C2CD3: variants seen among roughly 807,000 people sequenced by gnomAD.
C2CD3 encodes C2 domain-containing protein 3.
C2CD3 carries 148 observed loss-of-function variants against 234.0 expected under a neutral mutation model. That is an observed-to-expected ratio of 0.63 (90% CI 0.55 to 0.72). The LOEUF is 0.72. Among genes scored for constraint, C2CD3 ranks in the 30% least tolerant of loss-of-function variants. The probability of loss-of-function intolerance (pLI) is 0.00; values close to 1 mark genes in which losing one functional copy is unlikely to be tolerated. For missense variants in C2CD3, 2,577 were observed against 2,811.5 expected (o/e 0.92, Z 1.89); for synonymous variants, 1,000 against 1,035.4 (o/e 0.97, Z 0.66).
intron 29 of C2CD3, among the ~76,000 whole-genome samples, 180 bp downstream of exon 29, chr11:74,041,874 C>T (rs1158167364): frequency 6.6e-6 from 1 of 152,200 alleles, no homozygotes; most frequent in Non-Finnish European, 1.5e-5. Flanking sequence ...GATACAGATT[C>T]ATCTATGAGG....
Position 74,095,749 on chromosome 11 carries a change from G to T in C2CD3, c.2980-341C>A, listed in dbSNP as rs118130051. ...AGCTCTTAATATACTAAGAATAGAAGGCTGTTCCCTTCATAGGAAAAATAA... is the reference window on the plus strand; with the variant it reads ...AGCTCTTAATATACTAAGAATAGAATGCTGTTCCCTTCATAGGAAAAATAA... On this transcript the variant is annotated intron_variant, in intron 16 of 32. Coordinates refer to ENST00000334126, the MANE Select transcript of C2CD3 (RefSeq NM_001286577.2). 3.5e-3 allele frequency among the ~76,000 whole-genome samples: 527 copies of T among 152,150 alleles called. 1 individual carries two copies. The highest frequency in any genetic ancestry group is 5.6e-3 in the Admixed American group (85 of 15,288).
intron 20 of C2CD3, among the ~76,000 whole-genome samples, chr11:74,089,316 A>C (rs1220036438): frequency 6.6e-6 from 1 of 152,202 alleles, no homozygotes; most frequent in African/African-American, 2.4e-5. Context: ...AGTTGAAATT[A>C]AACAAACAAA....
intron 12 of C2CD3, among the ~76,000 whole-genome samples, chr11:74,106,836 G>C (rs1420239161): frequency 2.6e-5 from 4 of 152,096 alleles, no homozygotes; most frequent in African/African-American, 9.7e-5. Context: ...ATTAAAACTA[G>C]GGAAATTGTA....
chr11:74,040,908 GCACACA>G (rs148961390), intron 29 of C2CD3, among the ~76,000 whole-genome samples: 1 of 144,692 alleles, frequency 6.9e-6, no homozygotes, highest in South Asian at 2.2e-4. Context: ...ACACACACAC[GCACACA>G]CACACACACA....
intron 11 of C2CD3, 194 bp from the exon 12 acceptor site, chr11:74,109,346 T>G (rs755185158): frequency 3.9e-6 from 2 of 507,392 alleles, no homozygotes; most frequent in African/African-American, 4.0e-5. Context: ...ACTCTGGAGA[T>G]AGTACACAGA....
chr11:74,151,822 C>T (rs895937163), intron 3 of C2CD3, among the ~76,000 whole-genome samples: 2 of 151,488 alleles, frequency 1.3e-5, no homozygotes, highest in African/African-American at 2.4e-5. Context: ...TATAGATGCT[C>T]CTAATGCTTA....
rs373500505 is a variant in C2CD3 at position 74,092,500 on chromosome 11, G to A, written c.3433C>T (p.Arg1145Cys). The A allele has an allele frequency of 4.3e-6, 7 of 1,613,614 alleles. No individual in the cohort carries two copies. Among genetic ancestry groups the A allele is most frequent in the African/African-American group, 1.3e-5 (1 of 74,996 alleles). The part of the protein sequence containing the change: ...RICAMVTTQH[R>C]EDVGIQTFNL... ...AAGGTCTGTATTCCCACATCCTCAC[G>A]ATGCTGGGTGGTTACCATAGCACAG... The change falls in exon 19 of 33, where the codon CGT (arginine) becomes TGT (cysteine). Residue 1145 changes from arginine to cysteine, a missense_variant. Coordinates refer to ENST00000334126, the MANE Select transcript of C2CD3 (RefSeq NM_001286577.2).
At chr11:74,131,928 A>G (rs1278943396) in intron 7 of C2CD3, among the ~76,000 whole-genome samples, 1 of 152,202 alleles carries the variant, frequency 6.6e-6, no homozygotes, top group African/African-American at 2.4e-5. Context: ...TTTAACCACT[A>G]TGCCCTATTA....
At chr11:74,101,966 A>C (rs1434438735) in intron 14 of C2CD3, among the ~76,000 whole-genome samples, 1 of 152,164 alleles carries the variant, frequency 6.6e-6, no homozygotes, top group Admixed American at 6.6e-5. Context: ...TAGAAAGGTC[A>C]TTCTCATTGG....
intron 32 of C2CD3, among the ~76,000 whole-genome samples, chr11:74,024,693 A>G (rs1276884606): frequency 6.6e-6 from 1 of 152,164 alleles, no homozygotes. Flanking sequence ...TTTCCTCTTA[A>G]ATTTTGGTAT....
At chr11:74,164,549 A>G (rs1046336972) in intron 2 of C2CD3, among the ~76,000 whole-genome samples, 3 of 152,160 alleles carry the variant, frequency 2.0e-5, no homozygotes, top group Non-Finnish European at 4.4e-5. Flanking sequence ...CAAATTCGTC[A>G]CTCAGAAAAT....
At chr11:74,137,050 T>C (rs1957888114) in intron 5 of C2CD3, among the ~76,000 whole-genome samples, 1 of 150,534 alleles carries the variant, frequency 6.6e-6, no homozygotes, top group Admixed American at 6.6e-5. Flanking sequence ...TTTTTAGAGA[T>C]GAGATCTTGC....
intron 16 of C2CD3, among the ~76,000 whole-genome samples, chr11:74,096,748 G>A (rs1235598542): frequency 6.6e-6 from 1 of 152,104 alleles, no homozygotes; most frequent in Non-Finnish European, 1.5e-5. Context: ...GCCATACAAC[G>A]CCTAAACAGA....
chr11:74,041,958 T>C, intron 29 of C2CD3, 96 bp downstream of exon 29: 4 of 1,235,680 alleles, frequency 3.2e-6, no homozygotes, highest in Non-Finnish European at 4.6e-6. Flanking sequence ...CCTAGGGCGG[T>C]GGCAGGTGAT....
chr11:74,085,154 T>G (rs945719483), intron 21 of C2CD3, among the ~76,000 whole-genome samples, 184 bp from the exon 22 acceptor site: 3 of 151,654 alleles, frequency 2.0e-5, no homozygotes, highest in Admixed American at 2.0e-4. Context: ...TTTTTTTTTT[T>G]TTTGGCAGGG....
intron 16 of C2CD3, among the ~76,000 whole-genome samples, 175 bp from the exon 17 acceptor site, chr11:74,095,583 C>T (rs1956075353): frequency 6.6e-6 from 1 of 152,290 alleles, no homozygotes; most frequent in East Asian, 1.9e-4. Context: ...GTAGGCTAAA[C>T]AGGATGTACT....
At chr11:74,085,597 G>T in intron 21 of C2CD3, 21 bp downstream of exon 21, 1 of 1,611,410 alleles carries the variant, frequency 6.2e-7, no homozygotes, top group South Asian at 1.1e-5. Flanking sequence ...TTTTGATTGT[G>T]ACAAGTCATA....
At chr11:74,073,369 T>G (rs1341772099) in intron 24 of C2CD3, among the ~76,000 whole-genome samples, 1 of 152,010 alleles carries the variant, frequency 6.6e-6, no homozygotes, top group African/African-American at 2.4e-5. Flanking sequence ...GGTGGATCAC[T>G]TGCGGTCAGG....
Position 74,078,722 on chromosome 11 carries a change from C to T in C2CD3, c.4001-5G>A, listed in dbSNP as rs766056427. 3.9e-5 allele frequency: 61 copies of T among 1,573,222 alleles called. No individual in the cohort carries two copies. Among genetic ancestry groups the T allele is most frequent in the African/African-American group, 2.3e-4 (17 of 72,728 alleles). The stretch of plus-strand genomic sequence containing the variant: ...TAGGATACCATCCTGTGATCCCTTA[C>T]GGGAGAAAATAAAGATTCTCAATTA... On this transcript the variant is annotated splice_polypyrimidine_tract_variant and splice_region_variant and intron_variant, in intron 22 of 32. Coordinates refer to ENST00000334126, the MANE Select transcript of C2CD3 (RefSeq NM_001286577.2).
Sources: allele counts gnomAD v4.1 joint callset (sites outside exome capture counted in the v4.1 genomes callset), GRCh38; gene constraint gnomAD v4.1.1; transcripts MANE v1.5; gene names NCBI Gene and HGNC (gene_info 2026-07-23, HGNC 2026-07-21).